HSPBAP1: variants seen among roughly 807,000 people sequenced by gnomAD.
The protein encoded by HSPBAP1 is HSPB1 associated protein 1, also known as HSPB1-associated protein 1.
Under a neutral mutation model 45.2 loss-of-function variants are expected in HSPBAP1, and 27 were observed. That is an observed-to-expected ratio of 0.60 (90% CI 0.44 to 0.82). The LOEUF is 0.82. Among genes scored for constraint, HSPBAP1 ranks in the 40% least tolerant of loss-of-function variants. The probability of loss-of-function intolerance (pLI) is 0.00; values close to 1 mark genes in which losing one functional copy is unlikely to be tolerated. For synonymous variants in HSPBAP1, 204 were observed against 202.7 expected (o/e 1.01, Z -0.06); for missense variants, 510 against 590.9 (o/e 0.86, Z 1.42).
intron 1 of HSPBAP1, among the ~76,000 whole-genome samples, chr3:122,780,185 G>A (rs1359300072): frequency 9.7e-6 from 1 of 103,582 alleles, no homozygotes; most frequent in Admixed American, 8.8e-5. Flanking sequence ...CGGGCGGGGG[G>A]CTGACCCCCC....
chr3:122,759,445 T>G (rs2107513435), intron 3 of HSPBAP1, 85 bp from the exon 4 acceptor site: 1 of 1,358,440 alleles, frequency 7.4e-7, no homozygotes, highest in East Asian at 2.3e-5. Flanking sequence ...TGCACATCTG[T>G]TATTTAGCAG....
intron 4 of HSPBAP1, among the ~76,000 whole-genome samples, chr3:122,757,610 AG>A (rs1193935074): frequency 6.6e-6 from 1 of 152,070 alleles, no homozygotes; most frequent in Non-Finnish European, 1.5e-5. Flanking sequence ...CATCATAGAG[AG>A]GGTGTCTTAC....
intron 2 of HSPBAP1, among the ~76,000 whole-genome samples, chr3:122,770,516 C>T (rs763642526): frequency 1.5e-4 from 23 of 152,016 alleles, no homozygotes; most frequent in South Asian, 2.1e-4. Context: ...CTGGGCAATA[C>T]GGTGAAACCC....
chr3:122,752,553 A>T, intron 6 of HSPBAP1, 38 bp downstream of exon 6: 1 of 1,164,468 alleles, frequency 8.6e-7, no homozygotes, highest in Non-Finnish European at 1.2e-6. Flanking sequence ...CATGATTTGC[A>T]CTTACTTAAA....
At chr3:122,746,827 A>AT (rs1406583229) in intron 6 of HSPBAP1, among the ~76,000 whole-genome samples, 5 of 151,834 alleles carry the variant, frequency 3.3e-5, no homozygotes, top group African/African-American at 1.2e-4. Flanking sequence ...TGGTTTTCGT[A>AT]TTTTTTTGGT....
At chr3:122,780,466 C>A (rs1576271801) in intron 1 of HSPBAP1, among the ~76,000 whole-genome samples, 1 of 122,310 alleles carries the variant, frequency 8.2e-6, no homozygotes. Flanking sequence ...CGGGCAGAGG[C>A]GCCCCTCACC....
rs533911720 is a variant in HSPBAP1 at position 122,740,934 on chromosome 3, A to G, written c.937-59T>C. Reference sequence around the variant, plus strand: ...CATACATTTAGTTACACTGGAAAACATATGTTCTAGTCAGGGCTGGTTTAC... The same window carrying G: ...CATACATTTAGTTACACTGGAAAACGTATGTTCTAGTCAGGGCTGGTTTAC... On this transcript the variant is annotated intron_variant, in intron 7 of 7. Coordinates refer to ENST00000306103, the MANE Select transcript of HSPBAP1 (RefSeq NM_024610.6). The G allele has an allele frequency of 2.5e-6, 4 of 1,608,812 alleles. No homozygotes were observed. In the South Asian group the frequency reaches 4.4e-5, roughly 18 times the overall value.
intron 1 of HSPBAP1, 52 bp downstream of exon 1, chr3:122,793,565 G>A: frequency 6.4e-7 from 1 of 1,552,284 alleles, no homozygotes; most frequent in South Asian, 1.1e-5. Context: ...TGCCACGAGA[G>A]TCAACTGGCA....
In HSPBAP1 at chr3:122,741,752, G is replaced by A. The variant is rs534512925; in HGVS notation, c.826-639C>T. 4 of 152,164 alleles carry A rather than the reference G, an allele frequency of 2.6e-5. No homozygotes were observed. In the South Asian group the frequency reaches 8.3e-4, roughly 32 times the overall value. 9.4% of individuals were successfully genotyped at this position (152,164 alleles called of 1,614,324 possible). A position where few individuals can be genotyped will look rare whatever the true frequency, so the allele number is the denominator to read the frequency against. ...AGCAAATTTTAAAAAATGGGCAAAA[G>A]ACACAATGATAAGCATTTTAAAAAG... On this transcript the variant is annotated intron_variant, in intron 6 of 7. Coordinates refer to ENST00000306103, the MANE Select transcript of HSPBAP1 (RefSeq NM_024610.6).
intron 6 of HSPBAP1, among the ~76,000 whole-genome samples, chr3:122,750,006 C>T (rs181262431): frequency 6.7e-6 from 1 of 148,420 alleles, no homozygotes; most frequent in Non-Finnish European, 1.5e-5. Context: ...GACAGAGACT[C>T]GCTCTGTTGC....
At chr3:122,751,431 A>C (rs1178996265) in intron 6 of HSPBAP1, among the ~76,000 whole-genome samples, 1 of 152,208 alleles carries the variant, frequency 6.6e-6, no homozygotes, top group Non-Finnish European at 1.5e-5. Context: ...CCTGATTCCA[A>C]AGTCTATGGC....
chr3:122,759,185 CCACACACACACA>C (rs10657578), intron 4 of HSPBAP1, 27 bp downstream of exon 4: 22 of 1,463,960 alleles, frequency 1.5e-5, no homozygotes, highest in East Asian at 7.5e-5. Context: ...CATGTGCGTT[CCACACACACACA>C]CACACACACA....
At chr3:122,789,711 A>G (rs1935763489) in intron 1 of HSPBAP1, among the ~76,000 whole-genome samples, 1 of 152,120 alleles carries the variant, frequency 6.6e-6, no homozygotes. Flanking sequence ...TGTTTTCTCC[A>G]CTTCTGTAGA....
At chr3:122,767,782 G>A (rs1934839951) in intron 3 of HSPBAP1, among the ~76,000 whole-genome samples, 1 of 152,124 alleles carries the variant, frequency 6.6e-6, no homozygotes. Flanking sequence ...ACACTGAATG[G>A]AAAATTACTG....
chr3:122,752,754 G>A (rs888609429), intron 5 of HSPBAP1, 80 bp from the exon 6 acceptor site: 3 of 1,422,384 alleles, frequency 2.1e-6, no homozygotes, highest in African/African-American at 2.9e-5. Flanking sequence ...AATTGAGGCT[G>A]CTAGGAAAAA....
At chr3:122,772,341 A>C (rs1935031071) in intron 2 of HSPBAP1, among the ~76,000 whole-genome samples, 2 of 152,222 alleles carry the variant, frequency 1.3e-5, no homozygotes, top group African/African-American at 4.8e-5. Flanking sequence ...ATAATATATA[A>C]GAAAAAAGAG....
chr3:122,758,887 C>G (rs1383767574), intron 4 of HSPBAP1: 1 of 263,252 alleles, frequency 3.8e-6, no homozygotes, highest in Admixed American at 5.4e-5. Context: ...TCAAATGTCT[C>G]TAATTTACCA....
Position 122,768,814 on chromosome 3 carries a change from C to A in HSPBAP1, c.319G>T (p.Asp107Tyr). 6.2e-7 allele frequency: 1 copy of A among 1,612,034 alleles called. No individual in the cohort carries two copies. Among genetic ancestry groups the A allele is most frequent in the South Asian group, 1.1e-5 (1 of 91,044 alleles). Reference sequence around the variant, plus strand: ...AATGGTCCAGAAATACTAGACTGGTCACAGTTCCAGGTCAGAAACTCTTCG... The same window carrying A: ...AATGGTCCAGAAATACTAGACTGGTAACAGTTCCAGGTCAGAAACTCTTCG... ...TLEEFLTWNC[D>Y]QSSISGPFRD... is the part of the protein sequence containing the mutation. Residue 107 changes from aspartate to tyrosine, a missense_variant, in exon 3 of 8, where the codon GAC (aspartate) becomes TAC (tyrosine). Asp to Tyr is a radical substitution (Grantham distance 160). Coordinates refer to ENST00000306103, the MANE Select transcript of HSPBAP1 (RefSeq NM_024610.6).
At chr3:122,759,416 A>G in intron 3 of HSPBAP1, 56 bp from the exon 4 acceptor site, 1 of 1,536,656 alleles carries the variant, frequency 6.5e-7, no homozygotes, top group South Asian at 1.1e-5. Flanking sequence ...TCTGTATGGT[A>G]ATGCTGCCCA....
Sources: allele counts gnomAD v4.1 joint callset (sites outside exome capture counted in the v4.1 genomes callset), GRCh38; gene constraint gnomAD v4.1.1; transcripts MANE v1.5; gene names NCBI Gene and HGNC (gene_info 2026-07-23, HGNC 2026-07-21).